The following NPIPB9 variants were observed in gnomAD, a reference collection of about 807,000 sequenced individuals.
NPIPB9 encodes the protein nuclear pore complex interacting protein family member B9, also known as nuclear pore complex-interacting protein family member B9.
NPIPB9 carries 1 observed loss-of-function variant against 5.6 expected under a neutral mutation model. The ratio of observed to expected loss-of-function variants is 0.18; its 90% CI spans 0.06 to 0.84. The LOEUF (loss-of-function observed/expected upper bound fraction) is 0.84, where lower values mean the gene tolerates loss of function less well. Ranked by LOEUF, NPIPB9 falls within the 40% of genes least tolerant of loss-of-function variation. NPIPB9 has a pLI of 0.70. For missense variants in NPIPB9, 3 were observed against 39.1 expected, an observed-to-expected ratio of 0.08 and a Z score of 2.46; for synonymous variants, 2 against 12.5, an observed-to-expected ratio of 0.16 and a Z score of 1.77.
chr16:28,765,378 A>C (rs1169610051), intron 3 of NPIPB9, among the ~76,000 whole-genome samples: 1 of 33,540 alleles, frequency 3.0e-5, no homozygotes, highest in Admixed American at 2.8e-4. Flanking sequence ...CTGGGATTAT[A>C]GGCGTGAGCT....
chr16:28,754,792 C>T (rs542306693), intron 1 of NPIPB9, among the ~76,000 whole-genome samples: 6 of 143,038 alleles, frequency 4.2e-5, no homozygotes, highest in South Asian at 4.5e-4. Context: ...TTGCTTTATC[C>T]TCAGCCAGGT....
At chr16:28,754,796 G>C (rs1428905729) in intron 1 of NPIPB9, among the ~76,000 whole-genome samples, 2 of 143,022 alleles carry the variant, frequency 1.4e-5, no homozygotes, top group African/African-American at 5.1e-5. Context: ...TTTATCCTCA[G>C]CCAGGTGGAG....
chr16:28,761,897 A>G lies in NPIPB9; in HGVS notation c.112-354A>G, dbSNP rs1426669840. On this transcript the variant is annotated intron_variant, in intron 2 of 7. Transcript: ENST00000550983. The stretch of plus-strand genomic sequence containing the variant: ...CTCTGTCTCCAAAAAAAAAAAAAAA[A>G]GAGTTTTTTTTTTAGATCATCAGCT... Among the ~76,000 whole-genome samples, 2 of 36,046 alleles carry G rather than the reference A, an allele frequency of 5.5e-5. 1 individual carries two copies. The highest frequency in any genetic ancestry group is 9.3e-5 in the Non-Finnish European group (2 of 21,436). 23.6% of individuals were successfully genotyped at this position (36,046 alleles called of 152,430 possible).
intron 5 of NPIPB9, among the ~76,000 whole-genome samples, chr16:28,766,725 CTT>C: frequency 7.6e-6 from 1 of 132,014 alleles, no homozygotes; most frequent in African/African-American, 2.9e-5. Flanking sequence ...ATTGGTTTTC[CTT>C]TCTCTCTTTT....
chr16:28,758,611 C>T lies in NPIPB9; in HGVS notation c.111+528C>T, dbSNP rs555939354. On this transcript the variant is annotated intron_variant, in intron 2 of 7. Transcript: ENST00000550983. ...CCCCTGCCCCTCCCCAACTCAGATC[C>T]GGCCCCGGTCCCCGTCCCCTTCCCT... 70 of 368,006 alleles carry T rather than the reference C, an allele frequency of 1.9e-4. 5 individuals carry two copies. The highest frequency in any genetic ancestry group is 4.4e-4 in the East Asian group (6 of 13,484). The allele number at this position is 368,006 out of a possible 1,614,324, so 22.8% of individuals were successfully genotyped here. A position where few individuals can be genotyped will look rare whatever the true frequency, so the allele number is the denominator to read the frequency against.
intron 5 of NPIPB9, among the ~76,000 whole-genome samples, chr16:28,766,752 G>C (rs1596783823): frequency 8.0e-6 from 1 of 125,620 alleles, no homozygotes; most frequent in East Asian, 2.4e-4. Context: ...TTTTTTTCCT[G>C]AGATGGAGCT....
At position 28,753,531 on chromosome 16, in the gene NPIPB9, T is replaced by TACACACAC. The variant is rs1158927991; in HGVS notation, c.25+973_25+980dup. Among the ~76,000 whole-genome samples the TACACACAC allele has an allele frequency of 9.8e-4, 41 of 42,038 alleles. 4 individuals carry two copies. Among genetic ancestry groups the TACACACAC allele is most frequent in the African/African-American group, 2.2e-3 (28 of 12,462 alleles). The allele number at this position is 42,038 out of a possible 152,430, so 27.6% of individuals were successfully genotyped here. ...ATACACACACACACACACACATACATACACACACACACACACACACACACA... is the reference window on the plus strand; with the variant it reads ...ATACACACACACACACACACATACATACACACACACACACACACACACACACACACACA... On this transcript the variant is annotated intron_variant, in intron 1 of 7. Transcript: ENST00000550983.
intron 2 of NPIPB9, chr16:28,758,583 C>A: frequency 2.3e-5 from 2 of 86,710 alleles, no homozygotes; most frequent in Non-Finnish European, 4.5e-5. Context: ...TTCCCCTCCC[C>A]CTCCCCTGCC....
rs757891034 is a variant in NPIPB9, at chr16:28,752,559, G to C, written c.-9G>C. 3 of 1,369,118 alleles carry C rather than the reference G, an allele frequency of 2.2e-6. 1 individual carries two copies. Among genetic ancestry groups the C allele is most frequent in the Non-Finnish European group, 3.0e-6 (3 of 1,002,374 alleles). 84.8% of individuals were successfully genotyped at this position (1,369,118 alleles called of 1,614,324 possible). On this transcript the variant is annotated 5_prime_UTR_variant, in exon 1 of 8. Transcript: ENST00000550983. ...CCAAGGAGCTGCAGCAGCATGTAAAGTCAGTGACATGCCCATGCGAGTACC... is the reference window on the plus strand; with the variant it reads ...CCAAGGAGCTGCAGCAGCATGTAAACTCAGTGACATGCCCATGCGAGTACC...
Position 28,767,070 on chromosome 16 carries a change from G to A in NPIPB9, c.590+581G>A, listed in dbSNP as rs185027887. Among the ~76,000 whole-genome samples, 17 of 52,014 alleles carry A rather than the reference G, an allele frequency of 3.3e-4. 5 individuals carry two copies. Among genetic ancestry groups the A allele is most frequent in the Admixed American group, 1.4e-3 (6 of 4,346 alleles). The allele number at this position is 52,014 out of a possible 152,430, so 34.1% of individuals were successfully genotyped here. Reference sequence around the variant, plus strand: ...TTTTGAGATAGAATCTCGCTCTGTCGCCCAGGCTGGAGTGGTATGGTGCAA... The same window carrying A: ...TTTTGAGATAGAATCTCGCTCTGTCACCCAGGCTGGAGTGGTATGGTGCAA... On this transcript the variant is annotated intron_variant, in intron 5 of 7. Coordinates refer to ENST00000550983, the Ensembl canonical transcript of NPIPB9.
chr16:28,758,557 TC>T (rs2048934047), intron 2 of NPIPB9: 1 of 37,174 alleles, frequency 2.7e-5, no homozygotes, highest in Admixed American at 2.4e-4. Flanking sequence ...CCCCTCCCCT[TC>T]CCCTCCCCCT....
In NPIPB9 at chr16:28,767,357, G is replaced by A. The variant is rs1363062318; in HGVS notation, c.590+868G>A. Among the ~76,000 whole-genome samples, 3 of 91,736 alleles carry A rather than the reference G, an allele frequency of 3.3e-5. 1 individual carries two copies. The highest frequency in any genetic ancestry group is 7.1e-5 in the Non-Finnish European group (3 of 42,122). 60.2% of individuals were successfully genotyped at this position (91,736 alleles called of 152,430 possible). ...ACTACAGGCATATGCCACCATGCCCGGATAATTTTTGTATTCTTAGTAGAG... is the reference window on the plus strand; with the variant it reads ...ACTACAGGCATATGCCACCATGCCCAGATAATTTTTGTATTCTTAGTAGAG... On this transcript the variant is annotated intron_variant, in intron 5 of 7. Coordinates refer to ENST00000550983, the Ensembl canonical transcript of NPIPB9.
chr16:28,758,457 T>TCCA (rs1555494390), intron 2 of NPIPB9, among the ~76,000 whole-genome samples: 3 of 125,498 alleles, frequency 2.4e-5, no homozygotes, highest in African/African-American at 8.9e-5. Flanking sequence ...CTTCTCCTCC[T>TCCA]CCTCCTCCAC....
At chr16:28,765,734 T>C (rs2049162788) in intron 3 of NPIPB9, among the ~76,000 whole-genome samples, 1 of 79,088 alleles carries the variant, frequency 1.3e-5, no homozygotes, top group African/African-American at 6.0e-5. Flanking sequence ...TGTGTGTGTG[T>C]GTGTGTGTGT....
At chr16:28,765,736 T>C (rs2049163087) in intron 3 of NPIPB9, among the ~76,000 whole-genome samples, 1 of 82,560 alleles carries the variant, frequency 1.2e-5, no homozygotes, top group African/African-American at 5.6e-5. Flanking sequence ...TGTGTGTGTG[T>C]GTGTGTGTGT....
intron 3 of NPIPB9, among the ~76,000 whole-genome samples, chr16:28,765,721 TTG>T (rs761146509): frequency 0.33 from 12,474 of 37,718 alleles, 1,688 homozygotes; most frequent in Admixed American, 0.39. Context: ...CATGTCATTC[TTG>T]TGTGTGTGTG....
rs537281936 is a variant in NPIPB9 at position 28,752,446 on chromosome 16, T to C, written c.-122T>C. 7.7e-6 allele frequency: 11 copies of C among 1,434,810 alleles called. No homozygotes were observed. The South Asian group carries it at 1.3e-4, about 18-fold the overall frequency. The allele number at this position is 1,434,810 out of a possible 1,614,324, so 88.9% of individuals were successfully genotyped here. On this transcript the variant is annotated 5_prime_UTR_variant, in exon 1 of 8. An upstream start codon of the reference 5' UTR is lost. Transcript: ENST00000550983. ...AAATTATCTAATAGGTTGGCACTCA[T>C]GATGAGCCCCTGTTCTCATTCTGCA...
chr16:28,759,149 G>T (rs1235916266), intron 2 of NPIPB9, among the ~76,000 whole-genome samples: 1 of 89,196 alleles, frequency 1.1e-5, no homozygotes, highest in Non-Finnish European at 2.5e-5. Flanking sequence ...CATCTGGTTT[G>T]ATGACTTTTT....
chr16:28,765,722 TGTGTG>T (rs2049159804), intron 3 of NPIPB9, among the ~76,000 whole-genome samples: 1 of 4,654 alleles, frequency 2.1e-4, no homozygotes, highest in African/African-American at 6.0e-4. Flanking sequence ...ATGTCATTCT[TGTGTG>T]TGTGTGTGTG....
Sources: gnomAD v4.1 joint callset for allele counts (sites outside exome capture counted in the v4.1 genomes callset) on GRCh38, gnomAD v4.1.1 for gene constraint, MANE v1.5 for transcripts, NCBI Gene and HGNC (gene_info 2026-07-23, HGNC 2026-07-21) for gene names.